Variants in CUL5 observed in about 807,000 individuals in gnomAD.
CUL5 encodes the protein cullin 5, also known as cullin-5.
A neutral mutation model predicts 108.8 loss-of-function variants in CUL5; 26 were observed. The ratio of observed to expected loss-of-function variants is 0.24; its 90% CI spans 0.18 to 0.33. The LOEUF (loss-of-function observed/expected upper bound fraction) is 0.33, where lower values mean the gene tolerates loss of function less well. CUL5 is among the 10% of genes least tolerant of loss of function. The pLI, the probability that CUL5 is intolerant of heterozygous loss-of-function variation, is 1.00. For missense variants in CUL5, 524 were observed against 909.2 expected (o/e 0.58, Z 5.45); for synonymous variants, 334 against 298.0 (o/e 1.12, Z -1.25).
rs1863989106 is a variant in CUL5 at position 108,078,257 on chromosome 11, C to G, written c.1178+17C>G. ...GCAGAAGGGGTAAGTTTTTTAAAAC[C>G]ATACTTTAAAAATACTTAAATTTTC... On this transcript the variant is annotated intron_variant, in intron 11 of 18. Transcript: ENST00000393094. 3 of 1,444,984 alleles carry G rather than the reference C, an allele frequency of 2.1e-6. No individual in the cohort carries two copies. The East Asian group carries it at 7.1e-5, about 34-fold the overall frequency. The allele number at this position is 1,444,984 out of a possible 1,614,324, so 89.5% of individuals were successfully genotyped here.
chr11:108,037,374 C>T (rs1015220922), intron 2 of CUL5, among the ~76,000 whole-genome samples: 3 of 152,166 alleles, frequency 2.0e-5, no homozygotes, highest in African/African-American at 7.2e-5. Context: ...TTCATGAGTC[C>T]AACTTCTAAC....
In CUL5 at chr11:108,073,156, G is replaced by T. The variant is rs1392411062; in HGVS notation, c.1006-234G>T. On this transcript the variant is annotated intron_variant, in intron 9 of 18. Coordinates refer to ENST00000393094, the MANE Select transcript of CUL5 (RefSeq NM_003478.6). Reference sequence around the variant, plus strand: ...AGTGGAGCTTGCAGTGAGCCGAGAAGGTGCCACTGCACTCCAGCCTGGGCG... The same window carrying T: ...AGTGGAGCTTGCAGTGAGCCGAGAATGTGCCACTGCACTCCAGCCTGGGCG... Among the ~76,000 whole-genome samples, 4 of 151,212 alleles carry T rather than the reference G, an allele frequency of 2.6e-5. No individual in the cohort carries two copies. In the East Asian group the frequency reaches 7.8e-4, roughly 29 times the overall value.
intron 11 of CUL5, among the ~76,000 whole-genome samples, chr11:108,087,993 G>A (rs966349324): frequency 6.6e-6 from 1 of 151,442 alleles, no homozygotes; most frequent in African/African-American, 2.4e-5. Flanking sequence ...ATTTGTATCA[G>A]GAAAGTGAAA....
chr11:108,009,718 T>C lies in CUL5; in HGVS notation c.24+346T>C, dbSNP rs1307609108. Among the ~76,000 whole-genome samples the C allele has an allele frequency of 4.3e-4, 65 of 152,304 alleles. 1 individual carries two copies. The highest frequency in any genetic ancestry group is 4.0e-4 in the Non-Finnish European group (27 of 68,026). On this transcript the variant is annotated intron_variant, in intron 1 of 18. Transcript: ENST00000393094. ...GTTAGTACTGTTAGGTCTCAGTTTCTTGTAAAGCAATGTCTAAGACGCATC... is the reference window on the plus strand; with the variant it reads ...GTTAGTACTGTTAGGTCTCAGTTTCCTGTAAAGCAATGTCTAAGACGCATC...
chr11:108,085,117 T>C (rs1864187420), intron 11 of CUL5: 1 of 152,248 alleles, frequency 6.6e-6, no homozygotes, highest in Non-Finnish European at 1.5e-5. Context: ...TTCAGAAACA[T>C]GCTCATAAAT....
intron 7 of CUL5, among the ~76,000 whole-genome samples, chr11:108,068,047 G>A (rs1317920009): frequency 2.0e-5 from 3 of 152,002 alleles, no homozygotes; most frequent in East Asian, 1.9e-4. Context: ...TCCTGCCTCA[G>A]CCTCCCGAGT....
intron 1 of CUL5, among the ~76,000 whole-genome samples, chr11:108,025,434 T>A (rs1204355175): frequency 6.6e-6 from 1 of 152,210 alleles, no homozygotes; most frequent in African/African-American, 2.4e-5. Flanking sequence ...TGTGATGCAG[T>A]TAGGTAACTT....
At chr11:108,061,570 A>G (rs1293448279) in intron 7 of CUL5, among the ~76,000 whole-genome samples, 1 of 152,102 alleles carries the variant, frequency 6.6e-6, no homozygotes, top group Non-Finnish European at 1.5e-5. Flanking sequence ...AGTTATCATT[A>G]TTTTGTCATG....
At chr11:108,022,630 C>T (rs570944248) in intron 1 of CUL5, among the ~76,000 whole-genome samples, 23 of 152,326 alleles carry the variant, frequency 1.5e-4, no homozygotes, top group Admixed American at 5.2e-4. Context: ...CCAATTAACA[C>T]AGGACCCAAA....
At chr11:108,050,406 G>A (rs906321098) in intron 4 of CUL5, among the ~76,000 whole-genome samples, 1 of 148,292 alleles carries the variant, frequency 6.7e-6, no homozygotes, top group African/African-American at 2.5e-5. Context: ...TCACTCTGTC[G>A]CCTAGGCTGG....
At chr11:108,017,956 T>C (rs1002646910) in intron 1 of CUL5, among the ~76,000 whole-genome samples, 3 of 152,220 alleles carry the variant, frequency 2.0e-5, no homozygotes, top group Non-Finnish European at 4.4e-5. Context: ...TTGAATGTTC[T>C]TTTTCTTCCT....
rs537632615 is a variant in CUL5 at position 108,048,934 on chromosome 11, G to A, written c.235-956G>A. On this transcript the variant is annotated intron_variant, in intron 3 of 18. Transcript: ENST00000393094. ...CCCGCCTTAGCCTCCCAAAGTGCTG[G>A]GATTACAGGCATGAGCCACCGCACC... Among the ~76,000 whole-genome samples, 145 of 151,898 alleles carry A rather than the reference G, an allele frequency of 9.5e-4. 1 individual carries two copies. The highest frequency in any genetic ancestry group is 2.1e-3 in the African/African-American group (88 of 41,372).
rs1272585469 is a variant in CUL5, at chr11:108,094,333, C to T, written c.1444-58C>T. On this transcript the variant is annotated intron_variant, in intron 13 of 18. Coordinates refer to ENST00000393094, the MANE Select transcript of CUL5 (RefSeq NM_003478.6). ...TTAGTTTTTCTATTAAAATTTTTCC[C>T]AGTAATATATCAGATTATGTATTTA... is the stretch of plus-strand genomic sequence containing the variant. 4 of 1,277,868 alleles carry T rather than the reference C, an allele frequency of 3.1e-6. No homozygotes were observed. In the African/African-American group the frequency reaches 4.7e-5, roughly 15 times the overall value. 79.2% of individuals were successfully genotyped at this position (1,277,868 alleles called of 1,614,324 possible).
At position 108,088,682 on chromosome 11, in the gene CUL5, A is replaced by C. The variant is rs200263260; in HGVS notation, c.1311+23A>C. ...GTGGTACATGAATTTTTTGTATTTC[A>C]ACTTTTAAAATTACCTTACTTTGAA... On this transcript the variant is annotated intron_variant, in intron 12 of 18. Transcript: ENST00000393094. The C allele has an allele frequency of 8.4e-6, 13 of 1,551,006 alleles. No individual in the cohort carries two copies. The East Asian group carries it at 3.0e-4, about 36-fold the overall frequency.
intron 18 of CUL5, 41 bp downstream of exon 18, chr11:108,098,570 T>G: frequency 7.3e-7 from 1 of 1,366,490 alleles, no homozygotes; most frequent in Non-Finnish European, 9.4e-7. Context: ...TAAAAAAACT[T>G]TAGTTTTTTT....
At chr11:108,098,327 T>C (rs980301479) in intron 17 of CUL5, 79 bp from the exon 18 acceptor site, 117 of 1,282,576 alleles carry the variant, frequency 9.1e-5, no homozygotes, top group Non-Finnish European at 1.2e-4. Context: ...TTTAAATCTT[T>C]TCTCTCAGAC....
chr11:108,072,473 T>C lies in CUL5; in HGVS notation c.1005+11T>C. On this transcript the variant is annotated intron_variant, in intron 9 of 18. Coordinates refer to ENST00000393094, the MANE Select transcript of CUL5 (RefSeq NM_003478.6). ...GAAACTATTACTACTGTAAGTTTTT[T>C]TTCAATGGCAATGATAGATATATAT... 2.5e-6 allele frequency: 4 copies of C among 1,598,238 alleles called. No individual in the cohort carries two copies. Among genetic ancestry groups the C allele is most frequent in the Non-Finnish European group, 2.6e-6 (3 of 1,172,978 alleles).
intron 1 of CUL5, among the ~76,000 whole-genome samples, chr11:108,022,709 A>G (rs1185517455): frequency 6.6e-6 from 1 of 152,172 alleles, no homozygotes; most frequent in African/African-American, 2.4e-5. Flanking sequence ...AAATGATGGT[A>G]CAGTATTTAG....
At chr11:108,021,280 C>G (rs1862321015) in intron 1 of CUL5, among the ~76,000 whole-genome samples, 1 of 152,034 alleles carries the variant, frequency 6.6e-6, no homozygotes, top group South Asian at 2.1e-4. Context: ...AACAACTAAA[C>G]TGGTTGTGTG....
Sources: gnomAD v4.1 joint callset for allele counts (sites outside exome capture counted in the v4.1 genomes callset) on GRCh38, gnomAD v4.1.1 for gene constraint, MANE v1.5 for transcripts, NCBI Gene and HGNC (gene_info 2026-07-23, HGNC 2026-07-21) for gene names.